DKK3: variants seen among roughly 807,000 people sequenced by gnomAD.
DKK3 encodes the protein dickkopf-related protein 3.
DKK3 carries 22 observed loss-of-function variants against 33.2 expected under a neutral mutation model. That is an observed-to-expected ratio of 0.66 (90% CI 0.47 to 0.95). DKK3 has a LOEUF of 0.95. Among genes scored for constraint, DKK3 ranks in the 40% least tolerant of loss-of-function variants. DKK3 has a pLI of 0.00. For missense variants in DKK3, 398 were observed against 458.4 expected, an observed-to-expected ratio of 0.87 and a Z score of 1.20; for synonymous variants, 194 against 188.8, an observed-to-expected ratio of 1.03 and a Z score of -0.23.
intron 4 of DKK3, among the ~76,000 whole-genome samples, chr11:11,967,438 G>A (rs902118029): frequency 6.6e-6 from 1 of 152,222 alleles, no homozygotes; most frequent in Non-Finnish European, 1.5e-5. Flanking sequence ...CAGGCCCAAA[G>A]AGGCAAGGCC....
chr11:11,968,542 A>G, intron 3 of DKK3, 55 bp from the exon 4 acceptor site: 2 of 1,553,520 alleles, frequency 1.3e-6, no homozygotes, highest in Non-Finnish European at 1.8e-6. Flanking sequence ...CAGCAGGCCC[A>G]CAGTGCCCAG....
intron 1 of DKK3, among the ~76,000 whole-genome samples, chr11:12,002,714 C>T (rs1454994993): frequency 6.6e-6 from 1 of 152,160 alleles, no homozygotes; most frequent in Non-Finnish European, 1.5e-5. Context: ...ATAAATTCCC[C>T]AGAGTCCCAG....
rs1443168951 is a variant in DKK3 at position 12,008,427 on chromosome 11, G to A, written c.156C>T (p.Arg52=). 1 of 1,611,344 alleles carries A rather than the reference G, an allele frequency of 6.2e-7. No homozygotes were observed. Among genetic ancestry groups the A allele is most frequent in the South Asian group, 1.1e-5 (1 of 90,962 alleles). Residue 52 remains arginine (R), a synonymous_variant, in exon 1 of 7, where the codon CGC becomes CGT. Transcript: ENST00000683431. The surrounding 1 kb of genome is among the most constrained non-coding windows in gnomAD (Gnocchi z 4.6). Reference sequence around the variant, plus strand: ...TGTCCTCCATCAGTTCCTCAACCTCGCGGAACATCTCATTGAGGGTGGCCT... The same window carrying A: ...TGTCCTCCATCAGTTCCTCAACCTCACGGAACATCTCATTGAGGGTGGCCT... ...QEEATLNEMF[R]EVEELMEDTQ...
At chr11:12,009,699 C>T (rs750151177), upstream of DKK3, 287 of 985,658 alleles carry the variant, frequency 2.9e-4, no homozygotes, top group Non-Finnish European at 3.3e-4. Flanking sequence ...CAGCCCCCAG[C>T]CTGGCATTCA....
At chr11:11,979,291 C>CA (rs1847906231) in intron 3 of DKK3, among the ~76,000 whole-genome samples, 1 of 152,246 alleles carries the variant, frequency 6.6e-6, no homozygotes, top group Non-Finnish European at 1.5e-5. Context: ...TCAGGGCCCA[C>CA]AGGCCTTTCA....
chr11:12,002,249 T>A (rs1848444335), intron 2 of DKK3, 51 bp downstream of exon 2: 1 of 1,532,630 alleles, frequency 6.5e-7, no homozygotes, highest in South Asian at 1.3e-5. Flanking sequence ...ACCTTAGTTC[T>A]CTGATGGGAC....
At chr11:11,972,342 G>A (rs1847741449) in intron 3 of DKK3, among the ~76,000 whole-genome samples, 1 of 152,198 alleles carries the variant, frequency 6.6e-6, no homozygotes, top group Admixed American at 6.5e-5. Flanking sequence ...AATCAACAGG[G>A]CCTTAAGGCA....
At chr11:11,985,083 C>T (rs929128985) in intron 3 of DKK3, among the ~76,000 whole-genome samples, 1 of 152,154 alleles carries the variant, frequency 6.6e-6, no homozygotes, top group Non-Finnish European at 1.5e-5. Flanking sequence ...TGGCAAGAAA[C>T]GTGGAACTCC....
Position 12,002,432 on chromosome 11 carries a change from C to T in DKK3, c.219G>A (p.Glu73=), listed in dbSNP as rs763824310. 2.5e-6 allele frequency: 4 copies of T among 1,612,534 alleles called. No individual in the cohort carries two copies. The highest frequency in any genetic ancestry group is 1.1e-5 in the South Asian group (1 of 90,982). ...HKLRSAVEEM[E]AEEAAAKASS... ...ATGCTTTAGCAGCAGCTTCTTCTGC[C>T]TCCATCTATTAAATCGATGAATTTA... The change falls in exon 2 of 7, where the codon GAG becomes GAA. Residue 73 remains glutamate (E), a synonymous_variant. Coordinates refer to ENST00000683431, the MANE Select transcript of DKK3 (RefSeq NM_001018057.2).
At chr11:11,966,268 A>G (rs1847592034) in intron 5 of DKK3, among the ~76,000 whole-genome samples, 1 of 152,204 alleles carries the variant, frequency 6.6e-6, no homozygotes, top group Non-Finnish European at 1.5e-5. Flanking sequence ...GGACAGCACC[A>G]GCAAAGGCCT....
intron 6 of DKK3, 151 bp downstream of exon 6, chr11:11,965,658 C>T: frequency 2.1e-6 from 2 of 973,520 alleles, no homozygotes; most frequent in Non-Finnish European, 1.5e-6. Context: ...TGATTGGACC[C>T]TTCCATCTGC....
chr11:11,980,162 C>T (rs531120919), intron 3 of DKK3, among the ~76,000 whole-genome samples: 159 of 152,192 alleles, frequency 1.0e-3, no homozygotes, highest in Non-Finnish European at 2.0e-3. Context: ...ACCAAACTTG[C>T]CCCCCAGGAC....
intron 3 of DKK3, among the ~76,000 whole-genome samples, chr11:11,978,676 G>A (rs1242406084): frequency 1.3e-5 from 2 of 152,116 alleles, no homozygotes; most frequent in South Asian, 4.1e-4. Context: ...ACCATGCTCA[G>A]GTGCAGCTTC....
chr11:11,975,919 T>A (rs1358828771), intron 3 of DKK3, among the ~76,000 whole-genome samples: 1 of 152,198 alleles, frequency 6.6e-6, no homozygotes, highest in African/African-American at 2.4e-5. Context: ...AGCTAGGTGA[T>A]CTTGGCCTAA....
At chr11:11,980,348 G>A (rs1847929514) in intron 3 of DKK3, among the ~76,000 whole-genome samples, 1 of 152,190 alleles carries the variant, frequency 6.6e-6, no homozygotes, top group South Asian at 2.1e-4. Flanking sequence ...ACGGGTTCTG[G>A]ACTCTCACAG....
In DKK3 at chr11:12,008,240, CT is replaced by C; in HGVS notation, c.213+129del. The C allele has an allele frequency of 8.2e-7, 1 of 1,226,210 alleles. No homozygotes were observed. Among genetic ancestry groups the C allele is most frequent in the South Asian group, 1.6e-5 (1 of 62,888 alleles). 76.0% of individuals were successfully genotyped at this position (1,226,210 alleles called of 1,614,324 possible). ...GCGCTGCCTCCAGGTCACTCCGCAT[CT>C]GCTGTCGGCCCTTCCCAGGCCCTGC... On this transcript the variant is annotated intron_variant, in intron 1 of 6. Coordinates refer to ENST00000683431, the MANE Select transcript of DKK3 (RefSeq NM_001018057.2). The surrounding 1 kb of genome is among the most constrained non-coding windows in gnomAD (Gnocchi z 4.6).
intron 3 of DKK3, chr11:11,994,839 G>C (rs943919246): frequency 6.6e-6 from 1 of 152,144 alleles, no homozygotes; most frequent in African/African-American, 2.4e-5. Context: ...TGCTCCATGG[G>C]AAAAGACGGT....
intron 3 of DKK3, among the ~76,000 whole-genome samples, chr11:11,975,879 C>A (rs1467094893): frequency 6.6e-6 from 1 of 152,202 alleles, no homozygotes; most frequent in African/African-American, 2.4e-5. Context: ...TTTGCGCCCA[C>A]ACCTCGGTTC....
At chr11:11,991,598 T>C (rs1331302906) in intron 3 of DKK3, among the ~76,000 whole-genome samples, 2 of 152,000 alleles carry the variant, frequency 1.3e-5, no homozygotes, top group Non-Finnish European at 2.9e-5. Context: ...CTCTCCTCTC[T>C]CTCTCTCTGT....
Sources: gnomAD v4.1 joint callset for allele counts (sites outside exome capture counted in the v4.1 genomes callset) on GRCh38, gnomAD v4.1.1 for gene constraint, Gnocchi (gnomAD v3.1) non-coding constraint, MANE v1.5 for transcripts, NCBI Gene and HGNC (gene_info 2026-07-23, HGNC 2026-07-21) for gene names.